IL3RA: variants seen among roughly 807,000 people sequenced by gnomAD.
IL3RA encodes interleukin 3 receptor subunit alpha, also known as interleukin-3 receptor subunit alpha.
A neutral mutation model predicts 52.3 loss-of-function variants in IL3RA; 73 were observed. The observed-to-expected ratio is 1.40, with a 90% CI of 1.16 to 1.70. IL3RA has a LOEUF of 1.70. Ranked by LOEUF, IL3RA falls within the 40% of genes most tolerant of loss-of-function variation. The pLI, the probability that IL3RA is intolerant of heterozygous loss-of-function variation, is 0.00. For missense variants in IL3RA, 664 were observed against 504.4 expected, an observed-to-expected ratio of 1.32 and a Z score of -3.03; for synonymous variants, 260 against 194.0, an observed-to-expected ratio of 1.34 and a Z score of -2.83.
chrX:1,339,746 C>T lies in IL3RA; in HGVS notation c.-38-1982C>T, dbSNP rs191703538. On this transcript the variant is annotated intron_variant, in intron 1 of 11. Transcript: ENST00000331035. ...GGTGGAGGTTGCAGTGAACCAAGAT[C>T]GCGCCACTGCACTCCGGCCTGGACA... 1.2e-3 allele frequency among the ~76,000 whole-genome samples: 180 copies of T among 152,072 alleles called. 3 individuals are homozygous for T. The highest frequency in any genetic ancestry group is 4.1e-3 in the African/African-American group (169 of 41,500).
intron 9 of IL3RA, among the ~76,000 whole-genome samples, chrX:1,367,548 C>G (rs1483213835): frequency 1.6e-4 from 8 of 50,782 alleles, no homozygotes; most frequent in African/African-American, 6.7e-4. Context: ...CGGCGTGAGC[C>G]GGGTGCGCGG....
chrX:1,381,764 G>A (rs1475383811), intron 11 of IL3RA, among the ~76,000 whole-genome samples: 6 of 151,116 alleles, frequency 4.0e-5, no homozygotes, highest in African/African-American at 9.7e-5. Context: ...GGATGGTCTC[G>A]ATCTCCTGAC....
In IL3RA at chrX:1,356,279, C is replaced by T; in HGVS notation, c.675C>T (p.His225=). Residue 225 remains histidine, a synonymous_variant, in exon 7 of 12, where the codon CAC becomes CAT. Transcript: ENST00000331035. ...AKCNKTHSFM[H]WKMRSHFNRK... ...GTAATAAGACACATTCCTTTATGCA[C>T]TGGAAAATGAGAAGTCATTTCAATC... 1 of 1,613,678 alleles carries T rather than the reference C, an allele frequency of 6.2e-7. No homozygotes were observed. The highest frequency in any genetic ancestry group is 8.5e-7 in the Non-Finnish European group (1 of 1,179,766).
chrX:1,377,468 C>T (rs2088849526), intron 9 of IL3RA, among the ~76,000 whole-genome samples: 1 of 152,054 alleles, frequency 6.6e-6, no homozygotes, highest in African/African-American at 2.4e-5. Context: ...GTCTCATACT[C>T]CCGACCTCAG....
chrX:1,363,741 A>G (rs1308712505), intron 8 of IL3RA, among the ~76,000 whole-genome samples: 2 of 151,692 alleles, frequency 1.3e-5, no homozygotes, highest in South Asian at 2.1e-4. Context: ...TTAATTTCAG[A>G]CAGGCTCTCA....
chrX:1,341,517 C>T (rs2085491842), intron 1 of IL3RA, among the ~76,000 whole-genome samples: 4 of 146,536 alleles, frequency 2.7e-5, no homozygotes, highest in Admixed American at 7.1e-5. Flanking sequence ...CACGAATATT[C>T]GTGCACACAT....
chrX:1,368,391 C>G (rs17880438), intron 9 of IL3RA, among the ~76,000 whole-genome samples: 4,046 of 152,088 alleles, frequency 0.027, 204 homozygotes, highest in African/African-American at 0.093. Flanking sequence ...TCGAGACCAG[C>G]CTGACCAACA....
intron 4 of IL3RA, among the ~76,000 whole-genome samples, chrX:1,350,148 T>A (rs1318764224): frequency 6.6e-6 from 1 of 152,068 alleles, no homozygotes; most frequent in African/African-American, 2.4e-5. Flanking sequence ...GAGGTGGGTT[T>A]GGCTGTAAAA....
At position 1,352,184 on chromosome X, in the gene IL3RA, C is replaced by T. The variant is rs139527253; in HGVS notation, c.383C>T (p.Pro128Leu). 61 of 1,613,716 alleles carry T rather than the reference C, an allele frequency of 3.8e-5. No homozygotes were observed. The highest frequency in any genetic ancestry group is 3.1e-4 in the African/African-American group (23 of 75,032). Residue 128 changes from proline to leucine, a missense_variant, in exon 5 of 12, where the codon CCG (proline) becomes CTG (leucine). Physicochemically the swap from Pro to Leu is moderately conservative, Grantham distance 98 (BLOSUM62 -3). Transcript: ENST00000331035. ...DFLSCSWAVG[P>L]GAPADVQYDL... ...TTGAGCTGCAGCTGGGCGGTAGGCC[C>T]GGGGGCCCCCGCGGACGTCCAGTAC...
chrX:1,360,057 A>C lies in IL3RA; in HGVS notation c.759+1170A>C, dbSNP rs7391287. On this transcript the variant is annotated intron_variant, in intron 8 of 11. Transcript: ENST00000331035. ...TCTCTCTCTCTCTGTCTGTCTCTGT[A>C]TCTCTCTCCCTTTCTCCCTCCATCT... Among the ~76,000 whole-genome samples, 10 of 118,424 alleles carry C rather than the reference A, an allele frequency of 8.4e-5. 1 individual carries two copies. The highest frequency in any genetic ancestry group is 6.3e-3 in the Middle Eastern group (1 of 158). The allele number at this position is 118,424 out of a possible 152,430, so 77.7% of individuals were successfully genotyped here. A position where few individuals can be genotyped will look rare whatever the true frequency, so the allele number is the denominator to read the frequency against.
chrX:1,359,318 C>T (rs1199943928), intron 8 of IL3RA, among the ~76,000 whole-genome samples: 1 of 152,018 alleles, frequency 6.6e-6, no homozygotes, highest in African/African-American at 2.4e-5. Flanking sequence ...AGACAGGTGG[C>T]CCAGACCTCA....
intron 1 of IL3RA, among the ~76,000 whole-genome samples, chrX:1,337,358 C>T (rs1413743531): frequency 1.5e-4 from 23 of 152,110 alleles, no homozygotes; most frequent in African/African-American, 5.6e-4. Context: ...GCCGGGGAGC[C>T]GCTTTTGGGG....
Position 1,378,676 on chromosome X carries a change from G to A in IL3RA, c.892G>A (p.Gly298Ser). Reference sequence around the variant, plus strand: ...ACCCCTAGAGTGCGACCAGGAGGAGGGCGCAAACACACGTGCCTGGCGGAC... The same window carrying A: ...ACCCCTAGAGTGCGACCAGGAGGAGAGCGCAAACACACGTGCCTGGCGGAC... ...PQRFECDQEE[G>S]ANTRAWRTSL... Residue 298 changes from glycine to serine, a missense_variant, in exon 10 of 12, where the codon GGC (glycine) becomes AGC (serine). Gly to Ser is a moderately conservative substitution (Grantham distance 56). Transcript: ENST00000331035. The A allele has an allele frequency of 6.2e-7, 1 of 1,612,576 alleles. No individual in the cohort carries two copies. The highest frequency in any genetic ancestry group is 1.1e-5 in the South Asian group (1 of 91,020).
chrX:1,381,409 G>T (rs2089170889), intron 11 of IL3RA, among the ~76,000 whole-genome samples: 1 of 152,114 alleles, frequency 6.6e-6, no homozygotes, highest in African/African-American at 2.4e-5. Context: ...TAGGAGGCTG[G>T]ACACCTGTCT....
chrX:1,368,379 G>A (rs2088342977), intron 9 of IL3RA, among the ~76,000 whole-genome samples: 1 of 152,058 alleles, frequency 6.6e-6, no homozygotes. Context: ...GAGGTCAGGA[G>A]TTCGAGACCA....
intron 9 of IL3RA, among the ~76,000 whole-genome samples, chrX:1,377,868 G>C (rs1406015933): frequency 5.8e-4 from 74 of 128,426 alleles, no homozygotes; most frequent in African/African-American, 2.5e-3. Context: ...GCGAGACTCT[G>C]TCTCAAAAAA....
intron 9 of IL3RA, among the ~76,000 whole-genome samples, chrX:1,377,343 C>A (rs1214196637): frequency 2.6e-5 from 4 of 152,062 alleles, no homozygotes; most frequent in Non-Finnish European, 5.9e-5. Flanking sequence ...CAGGTTCAGG[C>A]CATTCTCCTG....
intron 2 of IL3RA, among the ~76,000 whole-genome samples, chrX:1,343,999 T>C (rs1277100226): frequency 6.6e-6 from 1 of 151,912 alleles, no homozygotes; most frequent in Non-Finnish European, 1.5e-5. Flanking sequence ...TTTCACCGTG[T>C]TAGCCAGGAT....
At chrX:1,337,317 T>C (rs1337838665) in intron 1 of IL3RA, among the ~76,000 whole-genome samples, 1 of 152,194 alleles carries the variant, frequency 6.6e-6, no homozygotes, top group Non-Finnish European at 1.5e-5. Context: ...AGTTAGTCAA[T>C]GAGCTCACGC....
Sources: allele counts gnomAD v4.1 joint callset (sites outside exome capture counted in the v4.1 genomes callset), GRCh38; gene constraint gnomAD v4.1.1; transcripts MANE v1.5; gene names NCBI Gene and HGNC (gene_info 2026-07-23, HGNC 2026-07-21).